Variants in DACH1 observed in about 807,000 individuals in gnomAD.
DACH1 encodes dachshund family transcription factor 1.
In DACH1, 12 loss-of-function variants were observed where a neutral mutation model predicts 54.2. That is an observed-to-expected ratio of 0.22 (90% CI 0.14 to 0.36). The LOEUF is 0.36. Among genes scored for constraint, DACH1 ranks in the 10% least tolerant of loss-of-function variants. The probability of loss-of-function intolerance (pLI) is 1.00; values close to 1 mark genes in which losing one functional copy is unlikely to be tolerated. For missense variants in DACH1, 805 were observed against 929.8 expected, an observed-to-expected ratio of 0.87 and a Z score of 1.75; for synonymous variants, 386 against 366.2, an observed-to-expected ratio of 1.05 and a Z score of -0.62.
chr13:71,807,748 A>C (rs75434535), intron 1 of DACH1, among the ~76,000 whole-genome samples: 2,668 of 152,282 alleles, frequency 0.018, 72 homozygotes, highest in African/African-American at 0.059. Flanking sequence ...TATTTTAAAA[A>C]ATTAATCCAA....
chr13:71,749,537 A>G (rs530876878), intron 1 of DACH1, among the ~76,000 whole-genome samples: 5 of 152,156 alleles, frequency 3.3e-5, no homozygotes, highest in Non-Finnish European at 7.3e-5. Flanking sequence ...AGTGCTTGGC[A>G]CAGAGTCAGT....
At chr13:71,630,392 A>T (rs905080496) in intron 3 of DACH1, among the ~76,000 whole-genome samples, 164 bp downstream of exon 3, 1 of 152,204 alleles carries the variant, frequency 6.6e-6, no homozygotes, top group Non-Finnish European at 1.5e-5. Context: ...AACAATTATC[A>T]TTAGTTGTTA....
intron 2 of DACH1, among the ~76,000 whole-genome samples, chr13:71,632,044 G>T (rs1168443505): frequency 6.6e-6 from 1 of 151,768 alleles, no homozygotes; most frequent in African/African-American, 2.4e-5. Context: ...GCTGCAGTAA[G>T]CTGTGAGCAC....
chr13:71,623,146 AT>A (rs566886780), intron 3 of DACH1, among the ~76,000 whole-genome samples: 38 of 151,812 alleles, frequency 2.5e-4, no homozygotes, highest in African/African-American at 7.5e-4. Context: ...GTGAAAAATG[AT>A]TTTTTTAATA....
intron 3 of DACH1, among the ~76,000 whole-genome samples, chr13:71,592,513 A>AAAAAAAAAAAAAAAAAAAAG (rs768010399): frequency 6.9e-6 from 1 of 145,816 alleles, no homozygotes; most frequent in Non-Finnish European, 1.5e-5. Flanking sequence ...AAAAAAAAAA[A>AAAAAAAAAAAAAAAAAAAAG]AAAAGAAAAG....
At position 71,515,802 on chromosome 13, in the gene DACH1, T is replaced by C. The variant is rs911832331; in HGVS notation, c.1571-26654A>G. Among the ~76,000 whole-genome samples the C allele has an allele frequency of 2.2e-4, 33 of 151,878 alleles. 1 individual carries two copies. The highest frequency in any genetic ancestry group is 8.8e-5 in the Non-Finnish European group (6 of 67,896). On this transcript the variant is annotated intron_variant, in intron 6 of 10. Transcript: ENST00000613252. The stretch of plus-strand genomic sequence containing the variant: ...ATCTCACTGATGACATCATATCCTA[T>C]CCATCAATTCTTTCAGGAGCACACT...
At chr13:71,834,653 T>C (rs1388688703) in intron 1 of DACH1, among the ~76,000 whole-genome samples, 1 of 152,002 alleles carries the variant, frequency 6.6e-6, no homozygotes, top group Non-Finnish European at 1.5e-5. Context: ...ACCAATTCTC[T>C]CATTTTATAA....
intron 6 of DACH1, among the ~76,000 whole-genome samples, chr13:71,489,535 A>G (rs946591451): frequency 1.3e-5 from 2 of 152,064 alleles, no homozygotes; most frequent in Non-Finnish European, 2.9e-5. Flanking sequence ...AGCTCCATAT[A>G]AGAGAGGGGC....
intron 3 of DACH1, among the ~76,000 whole-genome samples, chr13:71,629,368 C>A (rs1876908063): frequency 6.6e-6 from 1 of 152,124 alleles, no homozygotes; most frequent in Admixed American, 6.6e-5. Context: ...CCATTCAAAT[C>A]CACTACTGCT....
At chr13:71,614,118 A>T (rs1875567347) in intron 3 of DACH1, among the ~76,000 whole-genome samples, 1 of 152,176 alleles carries the variant, frequency 6.6e-6, no homozygotes, top group African/African-American at 2.4e-5. Context: ...TTTGCCTGGA[A>T]CTATATGAAG....
intron 1 of DACH1, among the ~76,000 whole-genome samples, chr13:71,757,271 A>G (rs1270028757): frequency 6.6e-6 from 1 of 152,142 alleles, no homozygotes; most frequent in Non-Finnish European, 1.5e-5. Flanking sequence ...CTGTTTTAAT[A>G]CCCTAAATGC....
chr13:71,759,805 GA>G (rs572221568), intron 1 of DACH1, among the ~76,000 whole-genome samples: 6 of 148,920 alleles, frequency 4.0e-5, no homozygotes, highest in Admixed American at 6.7e-5. Flanking sequence ...TTGTCAGGGA[GA>G]AAAAAAAAAT....
chr13:71,667,200 TA>T (rs1879900204), intron 2 of DACH1, among the ~76,000 whole-genome samples: 3 of 152,102 alleles, frequency 2.0e-5, no homozygotes, highest in Admixed American at 2.0e-4. Flanking sequence ...CTCTTACAGA[TA>T]AAAGAAACAT....
intron 2 of DACH1, among the ~76,000 whole-genome samples, chr13:71,650,081 T>G (rs151202576): frequency 6.6e-6 from 1 of 152,302 alleles, no homozygotes; most frequent in African/African-American, 2.4e-5. Context: ...AGCCCCTAAA[T>G]ATGCTCACTC....
intron 6 of DACH1, among the ~76,000 whole-genome samples, chr13:71,544,018 T>C (rs532645770): frequency 2.0e-5 from 3 of 152,224 alleles, no homozygotes; most frequent in African/African-American, 7.2e-5. Context: ...TAGGTTTAAA[T>C]AGGCTATTTC....
At chr13:71,440,878 TGAAAA>T (rs1322239492) in intron 10 of DACH1, among the ~76,000 whole-genome samples, 186 bp from the exon 11 acceptor site, 1 of 152,066 alleles carries the variant, frequency 6.6e-6, no homozygotes, top group Non-Finnish European at 1.5e-5. Flanking sequence ...TTTATGTGAC[TGAAAA>T]GAATACAGCA....
chr13:71,847,810 AATCT>A (rs1194626098), intron 1 of DACH1, among the ~76,000 whole-genome samples: 2 of 152,204 alleles, frequency 1.3e-5, no homozygotes, highest in African/African-American at 4.8e-5. Flanking sequence ...CACTGCAATC[AATCT>A]ACTGACAAAG....
intron 10 of DACH1, among the ~76,000 whole-genome samples, chr13:71,471,232 C>A (rs1877043020): frequency 6.6e-6 from 1 of 151,912 alleles, no homozygotes; most frequent in South Asian, 2.1e-4. Flanking sequence ...CCACTCTGCC[C>A]TCATTACATA....
chr13:71,702,102 A>G (rs1403403820), intron 1 of DACH1, among the ~76,000 whole-genome samples: 1 of 152,180 alleles, frequency 6.6e-6, no homozygotes, highest in African/African-American at 2.4e-5. Flanking sequence ...ATTTTATTCT[A>G]ACTTTTAGTT....
Sources: allele counts gnomAD v4.1 joint callset (sites outside exome capture counted in the v4.1 genomes callset), GRCh38; gene constraint gnomAD v4.1.1; transcripts MANE v1.5; gene names NCBI Gene and HGNC (gene_info 2026-07-23, HGNC 2026-07-21).